Variants in LRRC4C observed in about 807,000 individuals in gnomAD.
LRRC4C encodes leucine-rich repeat-containing protein 4C.
In LRRC4C, 5 loss-of-function variants were observed where a neutral mutation model predicts 33.6. That is an observed-to-expected ratio of 0.15 (90% CI 0.08 to 0.31). The LOEUF (loss-of-function observed/expected upper bound fraction) is 0.31. LRRC4C is among the 10% of genes least tolerant of loss of function. The pLI is 1.00. For synonymous variants in LRRC4C, 329 were observed against 302.0 expected (o/e 1.09, Z -0.93); for missense variants, 560 against 796.7 (o/e 0.70, Z 3.58).
At chr11:40,425,663 T>C (rs79892563) in intron 3 of LRRC4C, among the ~76,000 whole-genome samples, 5,559 of 152,094 alleles carry the variant, frequency 0.037, 341 homozygotes, top group African/African-American at 0.13. Context: ...ATGAAAATAG[T>C]GGAAAGGAAA....
intron 1 of LRRC4C, among the ~76,000 whole-genome samples, chr11:41,015,132 T>C (rs932032383): frequency 2.0e-5 from 3 of 152,154 alleles, no homozygotes; most frequent in Non-Finnish European, 4.4e-5. Context: ...AGTTTAAATG[T>C]ACTAATTTTT....
chr11:40,392,712 T>C (rs1027749468), intron 3 of LRRC4C, among the ~76,000 whole-genome samples: 1 of 152,222 alleles, frequency 6.6e-6, no homozygotes, highest in African/African-American at 2.4e-5. Flanking sequence ...CTGTATTTAT[T>C]GTCCTGAAGA....
intron 1 of LRRC4C, among the ~76,000 whole-genome samples, chr11:41,433,091 A>T (rs181250053): frequency 6.6e-6 from 1 of 152,258 alleles, no homozygotes; most frequent in Admixed American, 6.5e-5. Flanking sequence ...GACCCCAAGT[A>T]ATAGCCCAAA....
chr11:40,543,312 CCAAAG>C (rs1316359663), intron 3 of LRRC4C, among the ~76,000 whole-genome samples: 2 of 152,050 alleles, frequency 1.3e-5, no homozygotes, highest in Admixed American at 1.3e-4. Context: ...ACTGTAAAGG[CCAAAG>C]TAGACAATTT....
chr11:41,404,264 G>A (rs1591442252), intron 1 of LRRC4C, among the ~76,000 whole-genome samples: 1 of 152,132 alleles, frequency 6.6e-6, no homozygotes, highest in African/African-American at 2.4e-5. Context: ...GCAAAGAGCT[G>A]AAGCCTAAGG....
chr11:41,239,758 A>C (rs1948177279), intron 1 of LRRC4C, among the ~76,000 whole-genome samples: 1 of 152,240 alleles, frequency 6.6e-6, no homozygotes, highest in South Asian at 2.1e-4. Flanking sequence ...TTTTGTATAT[A>C]TATTGTATCC....
At chr11:40,310,801 C>T (rs1945268236) in intron 4 of LRRC4C, among the ~76,000 whole-genome samples, 1 of 152,088 alleles carries the variant, frequency 6.6e-6, no homozygotes, top group Non-Finnish European at 1.5e-5. Context: ...CTTTGGTTTA[C>T]TTTATTTATT....
At chr11:41,287,492 AC>A (rs1949864775) in intron 1 of LRRC4C, among the ~76,000 whole-genome samples, 1 of 152,158 alleles carries the variant, frequency 6.6e-6, no homozygotes, top group Non-Finnish European at 1.5e-5. Context: ...AACTGCAATT[AC>A]TTTTGCACCA....
chr11:40,854,754 T>C (rs954769445), intron 2 of LRRC4C, among the ~76,000 whole-genome samples: 3 of 151,054 alleles, frequency 2.0e-5, no homozygotes, highest in Non-Finnish European at 4.4e-5. Context: ...AGTACATTAA[T>C]GTATATATTT....
chr11:41,377,961 T>G (rs1297101489), intron 1 of LRRC4C, among the ~76,000 whole-genome samples: 1 of 152,108 alleles, frequency 6.6e-6, no homozygotes, highest in African/African-American at 2.4e-5. Context: ...TCCCTTATAT[T>G]TAATCCGGGT....
chr11:40,140,068 C>T (rs1857256250), intron 6 of LRRC4C, among the ~76,000 whole-genome samples: 1 of 152,144 alleles, frequency 6.6e-6, no homozygotes, highest in Admixed American at 6.5e-5. Flanking sequence ...AGGTTAAACC[C>T]CAGTTCCTGC....
chr11:41,207,279 T>C (rs1565479755), intron 1 of LRRC4C, among the ~76,000 whole-genome samples: 1 of 152,180 alleles, frequency 6.6e-6, no homozygotes, highest in Non-Finnish European at 1.5e-5. Flanking sequence ...GGGTAATGTC[T>C]GGACATCAGT....
At chr11:41,012,300 T>C (rs1476279991) in intron 1 of LRRC4C, among the ~76,000 whole-genome samples, 1 of 152,192 alleles carries the variant, frequency 6.6e-6, no homozygotes, top group East Asian at 1.9e-4. Flanking sequence ...GATATACTTT[T>C]TTAGTTGGCA....
intron 5 of LRRC4C, among the ~76,000 whole-genome samples, chr11:40,225,821 G>T (rs538692093): frequency 4.9e-4 from 75 of 152,220 alleles, no homozygotes; most frequent in African/African-American, 1.7e-3. Flanking sequence ...GTTTCACCAT[G>T]TTAGTCAGGC....
chr11:40,931,039 A>G (rs1957596821), intron 2 of LRRC4C, among the ~76,000 whole-genome samples: 2 of 152,154 alleles, frequency 1.3e-5, no homozygotes, highest in Non-Finnish European at 2.9e-5. Context: ...GGTTTTAGTA[A>G]ATGCAGCTGT....
chr11:41,325,774 T>A (rs1332647589), intron 1 of LRRC4C, among the ~76,000 whole-genome samples: 1 of 152,124 alleles, frequency 6.6e-6, no homozygotes, highest in African/African-American at 2.4e-5. Context: ...CGCAACTGTA[T>A]GCCCAATTTT....
At chr11:40,929,707 C>T (rs1957536812) in intron 2 of LRRC4C, among the ~76,000 whole-genome samples, 1 of 152,022 alleles carries the variant, frequency 6.6e-6, no homozygotes, top group Non-Finnish European at 1.5e-5. Context: ...CTCCGCCTCC[C>T]GGGTTCACGC....
chr11:40,215,291 G>C (rs555494693), intron 5 of LRRC4C, among the ~76,000 whole-genome samples: 8 of 152,250 alleles, frequency 5.3e-5, no homozygotes, highest in African/African-American at 1.7e-4. Flanking sequence ...CTGCTGAGAG[G>C]TACTAAGCTA....
chr11:41,378,777 T>A (rs1241624402), intron 1 of LRRC4C, among the ~76,000 whole-genome samples: 1 of 152,136 alleles, frequency 6.6e-6, no homozygotes, highest in Non-Finnish European at 1.5e-5. Flanking sequence ...CAATTCCCTA[T>A]AACCCAAGGC....
Sources: gnomAD v4.1 joint callset for allele counts (sites outside exome capture counted in the v4.1 genomes callset) on GRCh38, gnomAD v4.1.1 for gene constraint, MANE v1.5 for transcripts, NCBI Gene and HGNC (gene_info 2026-07-23, HGNC 2026-07-21) for gene names.